ZMYM4: variants seen among roughly 807,000 people sequenced by gnomAD.
The protein encoded by ZMYM4 is zinc finger MYM-type containing 4, also known as zinc finger MYM-type protein 4.
In ZMYM4, 31 loss-of-function variants were observed where a neutral mutation model predicts 183.2. That is an observed-to-expected ratio of 0.17 (90% CI 0.13 to 0.23). ZMYM4 has a LOEUF of 0.23. Among genes scored for constraint, ZMYM4 ranks in the 10% least tolerant of loss-of-function variants. The pLI, the probability that ZMYM4 is intolerant of heterozygous loss-of-function variation, is 1.00. For missense variants in ZMYM4, 1,273 were observed against 1,840.3 expected (o/e 0.69, Z 5.64); for synonymous variants, 592 against 631.2 (o/e 0.94, Z 0.93).
chr1:35,292,696 C>T (rs1414928279), intron 1 of ZMYM4, among the ~76,000 whole-genome samples: 1 of 152,100 alleles, frequency 6.6e-6, no homozygotes, highest in African/African-American at 2.4e-5. Context: ...GACCGGGTTT[C>T]ACCACGTTAG....
At chr1:35,409,909 C>G (rs1639810106) in intron 26 of ZMYM4, among the ~76,000 whole-genome samples, 3 of 150,446 alleles carry the variant, frequency 2.0e-5, no homozygotes, top group Admixed American at 2.0e-4. Context: ...CCCTGCACTT[C>G]AGCCTGGGTG....
rs1644712666 is a variant in ZMYM4, at chr1:35,391,895, GC to G, written c.2588-316del. ...GTCTCTACTAAAATACAAAAAATTA[GC>G]TGGGTGTGGTGCTGCGCACCTGTAG... On this transcript the variant is annotated intron_variant, in intron 15 of 29. Coordinates refer to ENST00000314607, the MANE Select transcript of ZMYM4 (RefSeq NM_005095.3). 2.0e-5 allele frequency among the ~76,000 whole-genome samples: 3 copies of G among 151,258 alleles called. No individual in the cohort carries two copies. The South Asian group carries it at 6.4e-4, about 32-fold the overall frequency.
intron 1 of ZMYM4, among the ~76,000 whole-genome samples, chr1:35,272,596 G>T (rs1639668358): frequency 6.6e-6 from 1 of 152,082 alleles, no homozygotes; most frequent in South Asian, 2.1e-4. Flanking sequence ...AATTTTGAGG[G>T]GCTCTGTAAA....
At chr1:35,388,675 T>C (rs921392593) in intron 13 of ZMYM4, among the ~76,000 whole-genome samples, 2 of 152,110 alleles carry the variant, frequency 1.3e-5, no homozygotes, top group East Asian at 3.9e-4. Context: ...TGTGAAAACT[T>C]TGTCCTAGAC....
intron 1 of ZMYM4, among the ~76,000 whole-genome samples, chr1:35,317,804 T>C (rs1211132508): frequency 1.3e-5 from 2 of 152,188 alleles, no homozygotes; most frequent in African/African-American, 4.8e-5. Context: ...CATTAACTTA[T>C]GCAATGAAAG....
intron 1 of ZMYM4, among the ~76,000 whole-genome samples, chr1:35,297,230 G>C (rs1044665218): frequency 9.9e-5 from 15 of 151,816 alleles, no homozygotes; most frequent in African/African-American, 2.9e-4. Flanking sequence ...AATAAACTTG[G>C]CGAGACTGAA....
At chr1:35,284,608 G>T (rs1640378529) in intron 1 of ZMYM4, among the ~76,000 whole-genome samples, 1 of 152,110 alleles carries the variant, frequency 6.6e-6, no homozygotes, top group East Asian at 1.9e-4. Flanking sequence ...TATCAGTTTG[G>T]GCTGTCGTAA....
chr1:35,390,043 C>G lies in ZMYM4; in HGVS notation c.2532C>G (p.Ile844Met). The change falls in exon 15 of 30, where the codon ATC becomes ATG. Residue 844 changes from isoleucine to methionine, a missense_variant. Coordinates refer to ENST00000314607, the MANE Select transcript of ZMYM4 (RefSeq NM_005095.3). ...EMKHFCNLLC[I>M]LMFCNQQSVC... is the part of the protein sequence containing the mutation. ...AACATTTCTGTAACCTGCTTTGTATCTTGATGTTCTGTAATCAGCAAAGTG... is the reference window on the plus strand; with the variant it reads ...AACATTTCTGTAACCTGCTTTGTATGTTGATGTTCTGTAATCAGCAAAGTG... 2 of 1,613,918 alleles carry G rather than the reference C, an allele frequency of 1.2e-6. No homozygotes were observed. The highest frequency in any genetic ancestry group is 1.7e-6 in the Non-Finnish European group (2 of 1,179,932).
At position 35,268,721 on chromosome 1, in the gene ZMYM4, C is replaced by G. The variant is rs1258320349; in HGVS notation, c.-326C>G. 1.3e-5 allele frequency among the ~76,000 whole-genome samples: 2 copies of G among 152,230 alleles called. No individual in the cohort carries two copies. The highest frequency in any genetic ancestry group is 2.9e-5 in the Non-Finnish European group (2 of 68,028). On this transcript the variant is annotated 5_prime_UTR_variant, in exon 1 of 30. Coordinates refer to ENST00000314607, the MANE Select transcript of ZMYM4 (RefSeq NM_005095.3). ...CGCGCAAGGGGCTGATTTGGTGATC[C>G]CTTTAAGAAACCGCAGGCGGAGGAA... is the stretch of plus-strand genomic sequence containing the variant.
intron 1 of ZMYM4, among the ~76,000 whole-genome samples, chr1:35,312,928 C>G (rs2148787971): frequency 6.6e-6 from 1 of 152,284 alleles, no homozygotes. Context: ...GAGTCTCGCT[C>G]TGTCACCCGG....
At chr1:35,365,799 T>C (rs1296068447) in intron 5 of ZMYM4, among the ~76,000 whole-genome samples, 1 of 152,212 alleles carries the variant, frequency 6.6e-6, no homozygotes, top group Non-Finnish European at 1.5e-5. Flanking sequence ...AAATATTTAT[T>C]AGTATTTGGC....
chr1:35,365,025 C>G (rs1644035200), intron 5 of ZMYM4, among the ~76,000 whole-genome samples: 1 of 152,100 alleles, frequency 6.6e-6, no homozygotes, highest in Non-Finnish European at 1.5e-5. Flanking sequence ...CATTCTAATT[C>G]TATTGCATGT....
intron 2 of ZMYM4, among the ~76,000 whole-genome samples, chr1:35,350,039 T>G (rs771365108): frequency 1.6e-4 from 24 of 151,594 alleles, no homozygotes; most frequent in Non-Finnish European, 2.7e-4. Context: ...CATAACTCAC[T>G]GCAGCCTTCA....
At position 35,351,328 on chromosome 1, in the gene ZMYM4, T is replaced by G. The variant is rs1295577899; in HGVS notation, c.86-7597T>G. 14 of 1,572,072 alleles carry G rather than the reference T, an allele frequency of 8.9e-6. No individual in the cohort carries two copies. The East Asian group carries it at 1.8e-4, about 20-fold the overall frequency. ...CGGAAGCACATCATGGGCCAGAAAG[T>G]TGCAGATTACATGCACTACTTAATG... On this transcript the variant is annotated intron_variant, in intron 2 of 29. Coordinates refer to ENST00000314607, the MANE Select transcript of ZMYM4 (RefSeq NM_005095.3).
At chr1:35,387,893 A>G (rs1397775796) in intron 13 of ZMYM4, among the ~76,000 whole-genome samples, 2 of 152,212 alleles carry the variant, frequency 1.3e-5, no homozygotes, top group Non-Finnish European at 2.9e-5. Context: ...GGGACCTCAA[A>G]GAGCTTCTAG....
intron 19 of ZMYM4, chr1:35,396,923 A>G: frequency 1.8e-6 from 1 of 559,114 alleles, no homozygotes; most frequent in Non-Finnish European, 2.4e-6. Flanking sequence ...TCAAATAGAA[A>G]AAGATCAGAA....
At chr1:35,333,256 ATTTTTT>A (rs60325743) in intron 2 of ZMYM4, among the ~76,000 whole-genome samples, 1 of 115,914 alleles carries the variant, frequency 8.6e-6, no homozygotes. Flanking sequence ...ATCATACATG[ATTTTTT>A]TTTTTTTTTT....
intron 1 of ZMYM4, among the ~76,000 whole-genome samples, chr1:35,277,131 T>G (rs528714628): frequency 6.6e-6 from 1 of 152,180 alleles, no homozygotes; most frequent in Non-Finnish European, 1.5e-5. Flanking sequence ...TTTAGAATTA[T>G]CTGGAGAGCT....
chr1:35,394,954 A>C (rs956002617), intron 18 of ZMYM4, among the ~76,000 whole-genome samples: 1 of 152,046 alleles, frequency 6.6e-6, no homozygotes, highest in African/African-American at 2.4e-5. Context: ...TCTACTAAAA[A>C]ATTTTTAAAA....
Sources: gnomAD v4.1 joint callset for allele counts (sites outside exome capture counted in the v4.1 genomes callset) on GRCh38, gnomAD v4.1.1 for gene constraint, MANE v1.5 for transcripts, NCBI Gene and HGNC (gene_info 2026-07-23, HGNC 2026-07-21) for gene names.